SLC25A14: variants seen among roughly 807,000 people sequenced by gnomAD.
SLC25A14 encodes brain mitochondrial carrier protein 1.
SLC25A14 carries 8 observed loss-of-function variants against 28.1 expected under a neutral mutation model. The observed-to-expected ratio is 0.28, with a 90% CI of 0.17 to 0.51. The LOEUF (loss-of-function observed/expected upper bound fraction) is 0.51. Among genes scored for constraint, SLC25A14 ranks in the 20% least tolerant of loss-of-function variants. SLC25A14 has a pLI of 0.97. For missense variants in SLC25A14, 135 were observed against 263.8 expected, an observed-to-expected ratio of 0.51 and a Z score of 3.38; for synonymous variants, 74 against 90.6, an observed-to-expected ratio of 0.82 and a Z score of 1.04.
rs2034099224 is a variant in SLC25A14, at chrX:130,365,684, CATTGTGGATTTGGGTTACA to C, written c.855+12_855+30del. On this transcript the variant is annotated intron_variant, in intron 9 of 10. Transcript: ENST00000545805. ...GTTGATGGTATTTTAAAGGTAAGTA[CATTGTGGATTTGGGTTACA>C]ATTTGGCTTTCTTTGATGTCTTAGA... is the stretch of plus-strand genomic sequence containing the variant. 7.6e-6 allele frequency: 9 copies of C among 1,187,116 alleles called. No individual in the cohort carries two copies. Among genetic ancestry groups the C allele is most frequent in the Non-Finnish European group, 1.0e-5 (9 of 875,980 alleles).
intron 7 of SLC25A14, among the ~76,000 whole-genome samples, chrX:130,360,171 G>T (rs1361053213): frequency 3.8e-5 from 4 of 106,657 alleles, no homozygotes; most frequent in African/African-American, 1.4e-4. Context: ...CCTTACAGAT[G>T]TGAGCCACCA....
chrX:130,363,833 G>A, intron 7 of SLC25A14, among the ~76,000 whole-genome samples: 1 of 111,218 alleles, frequency 9.0e-6, no homozygotes, highest in African/African-American at 3.3e-5. Context: ...TCCCAGGCTC[G>A]GGTGATCCTC....
intron 7 of SLC25A14, among the ~76,000 whole-genome samples, chrX:130,364,077 A>G (rs1265148015): frequency 1.8e-5 from 2 of 111,682 alleles, no homozygotes; most frequent in Non-Finnish European, 3.8e-5. Flanking sequence ...CCTAGTAGGT[A>G]TGAAGTGGTA....
In SLC25A14 at chrX:130,373,238, A is replaced by G. The variant is rs907654960; in HGVS notation, c.*288A>G. 2.2e-5 allele frequency: 6 copies of G among 275,303 alleles called. No individual in the cohort carries two copies. The highest frequency in any genetic ancestry group is 1.7e-4 in the African/African-American group (6 of 35,207). 22.7% of individuals were successfully genotyped at this position (275,303 alleles called of 1,213,427 possible). A position where few individuals can be genotyped will look rare whatever the true frequency, so the allele number is the denominator to read the frequency against. ...ACATTGAAAACGGCCTGCTTTCCAAATGTGGTTAAATGTAATTGGTTAGCC... is the reference window on the plus strand; with the variant it reads ...ACATTGAAAACGGCCTGCTTTCCAAGTGTGGTTAAATGTAATTGGTTAGCC... On this transcript the variant is annotated 3_prime_UTR_variant, in exon 11 of 11. Transcript: ENST00000545805.
At position 130,372,890 on chromosome X, in the gene SLC25A14, TC is replaced by T. The variant is rs1413846724; in HGVS notation, c.937-17del. The T allele has an allele frequency of 8.7e-7, 1 of 1,146,747 alleles. No individual in the cohort carries two copies. The highest frequency in any genetic ancestry group is 1.2e-6 in the Non-Finnish European group (1 of 841,316). 94.5% of individuals were successfully genotyped at this position (1,146,747 alleles called of 1,213,427 possible). A position where few individuals can be genotyped will look rare whatever the true frequency, so the allele number is the denominator to read the frequency against. ...GCTTTCGATATCAACCTGGTGATCT[TC>T]CTTGACTTACTCCTCAGTTTTTTAT... is the stretch of plus-strand genomic sequence containing the variant. On this transcript the variant is annotated intron_variant, in intron 10 of 10. Coordinates refer to ENST00000545805, the MANE Select transcript of SLC25A14 (RefSeq NM_001282195.2).
intron 9 of SLC25A14, among the ~76,000 whole-genome samples, chrX:130,368,560 A>G (rs2034180620): frequency 8.9e-6 from 1 of 112,444 alleles, no homozygotes; most frequent in African/African-American, 3.2e-5. Context: ...AATGTAAAGC[A>G]CTGTTTCAAG....
intron 7 of SLC25A14, chrX:130,359,126 G>A (rs1395998229): frequency 1.6e-6 from 1 of 634,292 alleles, no homozygotes; most frequent in Non-Finnish European, 2.3e-6. Context: ...GCCAACGCGG[G>A]TGGATCACTT....
At chrX:130,352,310 G>A (rs1236250501) in intron 6 of SLC25A14, among the ~76,000 whole-genome samples, 1 of 112,152 alleles carries the variant, frequency 8.9e-6, no homozygotes, top group Non-Finnish European at 1.9e-5. Flanking sequence ...TCTTTATCCA[G>A]TCCAACGGTG....
Position 130,373,015 on chromosome X carries a change from C to A in SLC25A14, c.*65C>A. On this transcript the variant is annotated 3_prime_UTR_variant, in exon 11 of 11. Transcript: ENST00000545805. ...TACTCCTTTGCCCTTTTCCCGTGTTCTAATGTATTTTGACAATGTTGTAAG... is the reference window on the plus strand; with the variant it reads ...TACTCCTTTGCCCTTTTCCCGTGTTATAATGTATTTTGACAATGTTGTAAG... The A allele has an allele frequency of 1.1e-6, 1 of 871,223 alleles. No homozygotes were observed. The highest frequency in any genetic ancestry group is 2.3e-5 in the South Asian group (1 of 43,397). The allele number at this position is 871,223 out of a possible 1,213,427, so 71.8% of individuals were successfully genotyped here.
chrX:130,372,802 C>A, intron 10 of SLC25A14, 107 bp from the exon 11 acceptor site: 1 of 595,469 alleles, frequency 1.7e-6, no homozygotes, highest in Non-Finnish European at 2.8e-6. Context: ...GCAGATGCAG[C>A]TTGGAATAGC....
At chrX:130,344,721 A>C (rs2033374789) in intron 2 of SLC25A14, among the ~76,000 whole-genome samples, 1 of 112,016 alleles carries the variant, frequency 8.9e-6, no homozygotes, top group Admixed American at 9.5e-5. Flanking sequence ...AGGGCTAAGA[A>C]TATGAGAGAG....
At chrX:130,356,897 C>G (rs2033811206) in intron 6 of SLC25A14, among the ~76,000 whole-genome samples, 1 of 111,933 alleles carries the variant, frequency 8.9e-6, no homozygotes, top group South Asian at 3.7e-4. Context: ...TCTCAGTAGC[C>G]TCCTAACTTG....
intron 3 of SLC25A14, among the ~76,000 whole-genome samples, chrX:130,345,572 T>G (rs892606687): frequency 1.8e-5 from 2 of 111,876 alleles, no homozygotes; most frequent in Admixed American, 9.5e-5. Flanking sequence ...GTTTTTGCTA[T>G]ATTTCTGTAT....
chrX:130,354,791 C>T (rs1229764534), intron 6 of SLC25A14, among the ~76,000 whole-genome samples: 3 of 111,591 alleles, frequency 2.7e-5, no homozygotes, highest in Non-Finnish European at 5.6e-5. Context: ...CAACAGAGGT[C>T]ATAAGCCCTG....
intron 3 of SLC25A14, 94 bp from the exon 4 acceptor site, chrX:130,346,450 T>C: frequency 1.4e-6 from 1 of 738,358 alleles, no homozygotes; most frequent in South Asian, 2.5e-5. Flanking sequence ...AAGGACTTTG[T>C]CTTAGGATTC....
Position 130,340,269 on chromosome X carries a change from C to G in SLC25A14, c.-10C>G, listed in dbSNP as rs771462600. 8.3e-7 allele frequency: 1 copy of G among 1,210,742 alleles called. No individual in the cohort carries two copies. The highest frequency in any genetic ancestry group is 1.8e-5 in the South Asian group (1 of 56,982). ...GAGGAACTGGCAAGATCCTGCTACC[C>G]AGAGGGTGAATGGGTATCTTTCCCG... On this transcript the variant is annotated 5_prime_UTR_variant, in exon 2 of 11. Coordinates refer to ENST00000545805, the MANE Select transcript of SLC25A14 (RefSeq NM_001282195.2).
At chrX:130,369,396 T>A (rs1003103115) in intron 9 of SLC25A14, among the ~76,000 whole-genome samples, 3 of 112,496 alleles carry the variant, frequency 2.7e-5, no homozygotes, top group African/African-American at 9.7e-5. Context: ...CACCAGACAC[T>A]GTGTTAGGTG....
At chrX:130,370,015 G>A (rs2034225106) in intron 9 of SLC25A14, among the ~76,000 whole-genome samples, 1 of 111,821 alleles carries the variant, frequency 8.9e-6, no homozygotes, top group Non-Finnish European at 1.9e-5. Context: ...GAGATTATGA[G>A]ATTGGATGGT....
chrX:130,372,305 T>C (rs2034281568), intron 10 of SLC25A14, among the ~76,000 whole-genome samples: 1 of 111,290 alleles, frequency 9.0e-6, no homozygotes, highest in Admixed American at 9.5e-5. Context: ...TGTGTGTGTG[T>C]GCGTGTGTGC....
Sources: allele counts gnomAD v4.1 joint callset (sites outside exome capture counted in the v4.1 genomes callset), GRCh38; gene constraint gnomAD v4.1.1; transcripts MANE v1.5; gene names NCBI Gene and HGNC (gene_info 2026-07-23, HGNC 2026-07-21).